The following PTPRA variants were observed in gnomAD, a reference collection of about 807,000 sequenced individuals.
PTPRA encodes protein tyrosine phosphatase receptor type A.
PTPRA carries 25 observed loss-of-function variants against 104.8 expected under a neutral mutation model. The ratio of observed to expected loss-of-function variants is 0.24; its 90% CI spans 0.17 to 0.33. The LOEUF (loss-of-function observed/expected upper bound fraction) is 0.33, where lower values mean the gene tolerates loss of function less well. PTPRA is among the 10% of genes least tolerant of loss of function. The probability of loss-of-function intolerance (pLI) is 1.00; values close to 1 mark genes in which losing one functional copy is unlikely to be tolerated. For missense variants in PTPRA, 765 were observed against 1,015.3 expected (o/e 0.75, Z 3.35); for synonymous variants, 323 against 368.9 (o/e 0.88, Z 1.43).
chr20:3,020,924 C>T (rs888696427), intron 13 of PTPRA, among the ~76,000 whole-genome samples: 4 of 152,244 alleles, frequency 2.6e-5, no homozygotes, highest in South Asian at 2.1e-4. Flanking sequence ...CTGGTGGCCC[C>T]CTCATAGCAG....
chr20:2,892,615 T>C (rs942433483), intron 1 of PTPRA, among the ~76,000 whole-genome samples: 2 of 152,206 alleles, frequency 1.3e-5, no homozygotes, highest in Non-Finnish European at 2.9e-5. Flanking sequence ...CAGGTGATTC[T>C]GCTCAACTGT....
intron 2 of PTPRA, among the ~76,000 whole-genome samples, chr20:2,939,297 A>G (rs991160920): frequency 1.3e-5 from 2 of 152,092 alleles, no homozygotes; most frequent in African/African-American, 2.4e-5. Context: ...TCCTTTCCCA[A>G]TTCTGTAGTT....
rs2089501226 is a variant in PTPRA at position 2,873,674 on chromosome 20, G to C, written c.-215G>C. The C allele has an allele frequency of 6.6e-6, 1 of 150,852 alleles. No homozygotes were observed. Among genetic ancestry groups the C allele is most frequent in the South Asian group, 2.1e-4 (1 of 4,826 alleles). The allele number at this position is 150,852 out of a possible 1,614,324, so 9.3% of individuals were successfully genotyped here. A position where few individuals can be genotyped will look rare whatever the true frequency, so the allele number is the denominator to read the frequency against. ...GCCGCGGGCCGGGCGGCGGCCCTGA[G>C]GGCTAGTGGCGGCCCGAAACGCCGC... On this transcript the variant is annotated 5_prime_UTR_variant, in exon 1 of 24. Transcript: ENST00000399903. This position sits in a 1 kb window ranked among gnomAD's most constrained non-coding sequence, Gnocchi z 4.4.
At chr20:3,036,399 A>G (rs1370783542) in intron 22 of PTPRA, among the ~76,000 whole-genome samples, 2 of 152,230 alleles carry the variant, frequency 1.3e-5, no homozygotes, top group East Asian at 3.9e-4. Context: ...AATCCTAACA[A>G]CAGCTTACAA....
At chr20:2,917,157 AT>A (rs1178368515) in intron 1 of PTPRA, among the ~76,000 whole-genome samples, 1 of 151,814 alleles carries the variant, frequency 6.6e-6, no homozygotes, top group Non-Finnish European at 1.5e-5. Context: ...GGGTTTCAGC[AT>A]GTTGGCCAGG....
chr20:2,989,799 C>T (rs937641940), intron 9 of PTPRA, among the ~76,000 whole-genome samples: 10 of 152,152 alleles, frequency 6.6e-5, no homozygotes, highest in Non-Finnish European at 1.2e-4. Context: ...GGGCGGATCA[C>T]AAGGTCAGGA....
At chr20:2,880,844 T>G (rs1415506642) in intron 1 of PTPRA, among the ~76,000 whole-genome samples, 3 of 152,030 alleles carry the variant, frequency 2.0e-5, no homozygotes, top group African/African-American at 7.2e-5. Context: ...AGACCCCATC[T>G]CTACCAAAAA....
chr20:2,898,510 G>C (rs886505268), intron 1 of PTPRA, among the ~76,000 whole-genome samples: 6 of 151,794 alleles, frequency 4.0e-5, no homozygotes, highest in African/African-American at 1.5e-4. Context: ...CACCACGCCT[G>C]GTCATGTCCC....
chr20:2,992,063 G>A (rs1486199363), intron 9 of PTPRA, among the ~76,000 whole-genome samples: 2 of 152,090 alleles, frequency 1.3e-5, no homozygotes, highest in African/African-American at 2.4e-5. Context: ...ATACCAGGCC[G>A]GACTTTTTCT....
intron 1 of PTPRA, among the ~76,000 whole-genome samples, chr20:2,885,755 C>G (rs1374181343): frequency 6.6e-6 from 1 of 152,074 alleles, no homozygotes; most frequent in Non-Finnish European, 1.5e-5. Flanking sequence ...AAAAAGTACA[C>G]GAACTGCTAC....
intron 1 of PTPRA, among the ~76,000 whole-genome samples, chr20:2,886,157 T>G (rs2090370621): frequency 6.6e-6 from 1 of 152,236 alleles, no homozygotes; most frequent in South Asian, 2.1e-4. Context: ...AAAAAGTTAT[T>G]TATGAGCCCA....
At chr20:2,976,813 T>C (rs548199072) in intron 6 of PTPRA, among the ~76,000 whole-genome samples, 11 of 152,342 alleles carry the variant, frequency 7.2e-5, no homozygotes, top group African/African-American at 2.6e-4. Context: ...AGTTATGTCT[T>C]ATGCAGATGA....
rs772360098 is a variant in PTPRA at position 2,944,932 on chromosome 20, C to T, written c.-49-3050C>T. On this transcript the variant is annotated intron_variant, in intron 2 of 23. Coordinates refer to ENST00000399903, the MANE Select transcript of PTPRA (RefSeq NM_001385305.1). ...GAATTTTCAGCCTTCGTCTGTTCTT[C>T]GAATATTTCTTCTGTTCCATTTCTC... Among the ~76,000 whole-genome samples the T allele has an allele frequency of 1.9e-4, 29 of 152,218 alleles. 1 individual carries two copies. The highest frequency in any genetic ancestry group is 6.5e-4 in the African/African-American group (27 of 41,546).
intron 2 of PTPRA, among the ~76,000 whole-genome samples, chr20:2,931,174 C>CCT (rs2060489861): frequency 6.6e-6 from 1 of 152,100 alleles, no homozygotes; most frequent in African/African-American, 2.4e-5. Flanking sequence ...TTAAAAGCTC[C>CCT]CTCTCTCTCC....
intron 1 of PTPRA, among the ~76,000 whole-genome samples, chr20:2,904,999 C>T (rs1245430733): frequency 6.6e-6 from 1 of 152,164 alleles, no homozygotes; most frequent in Non-Finnish European, 1.5e-5. Context: ...AACTGGGCCA[C>T]ACAGCAGGAT....
chr20:2,874,337 G>C (rs1047479690), intron 1 of PTPRA, among the ~76,000 whole-genome samples: 3 of 151,466 alleles, frequency 2.0e-5, no homozygotes, highest in Admixed American at 6.6e-5. Flanking sequence ...TTTACTTTCG[G>C]TAAATAAAAA....
At chr20:2,921,633 G>A (rs2060100730) in intron 1 of PTPRA, among the ~76,000 whole-genome samples, 2 of 152,116 alleles carry the variant, frequency 1.3e-5, no homozygotes, top group South Asian at 2.1e-4. Flanking sequence ...CAGTGTGAAC[G>A]TGAATGTTAA....
At position 3,024,487 on chromosome 20, in the gene PTPRA, A is replaced by C; in HGVS notation, c.1480A>C (p.Ile494Leu). 6.2e-7 allele frequency: 1 copy of C among 1,613,776 alleles called. No individual in the cohort carries two copies. The highest frequency in any genetic ancestry group is 8.5e-7 in the Non-Finnish European group (1 of 1,179,672). Reference protein sequence around the residue: ...MVQTDMQYVFIYQALLEHYLY... With the variant: ...MVQTDMQYVFLYQALLEHYLY... ...CATGTTTCAGATGCAGTATGTCTTC[A>C]TATACCAAGCCCTTCTGGAGCATTA... The change falls in exon 17 of 24, where the codon ATA becomes CTA. Residue 494 changes from isoleucine to leucine, a missense_variant. Physicochemically the swap from Ile to Leu is conservative, Grantham distance 5 (BLOSUM62 2). This residue lies in a region of PTPRA where 245 missense variants were observed against 398.7 expected (regional missense o/e 0.61). Coordinates refer to ENST00000399903, the MANE Select transcript of PTPRA (RefSeq NM_001385305.1).
In PTPRA at chr20:3,022,858, G is replaced by C. The variant is rs760805681; in HGVS notation, c.1464+34G>C. On this transcript the variant is annotated intron_variant, in intron 16 of 23. Transcript: ENST00000399903. This position sits in a 1 kb window ranked among gnomAD's most constrained non-coding sequence, Gnocchi z 4.6. ...TCTGTGGGTCAGGTGAGGGTGGGGG[G>C]TTCCAGGACTAAAACATCTGCCCAC... 1 of 1,613,600 alleles carries C rather than the reference G, an allele frequency of 6.2e-7. No homozygotes were observed. The highest frequency in any genetic ancestry group is 1.1e-5 in the South Asian group (1 of 91,016).
Sources: gnomAD v4.1 joint callset for allele counts (sites outside exome capture counted in the v4.1 genomes callset) on GRCh38, gnomAD v4.1.1 for gene constraint, gnomAD v4.1.1 regional missense constraint, Gnocchi (gnomAD v3.1) non-coding constraint, MANE v1.5 for transcripts, NCBI Gene and HGNC (gene_info 2026-07-23, HGNC 2026-07-21) for gene names.